YARS1: variants seen among roughly 807,000 people sequenced by gnomAD.
YARS1 encodes tyrosyl-tRNA synthetase 1.
A neutral mutation model predicts 62.2 loss-of-function variants in YARS1; 36 were observed. The ratio of observed to expected loss-of-function variants is 0.58; its 90% CI spans 0.44 to 0.76. The LOEUF (loss-of-function observed/expected upper bound fraction) is 0.76. YARS1 is among the 30% of genes least tolerant of loss of function. YARS1 has a pLI of 0.00. For missense variants in YARS1, 524 were observed against 639.8 expected (o/e 0.82, Z 1.95); for synonymous variants, 234 against 244.9 (o/e 0.96, Z 0.42).
chr1:32,799,661 TGTG>T (rs1653712783), intron 4 of YARS1, among the ~76,000 whole-genome samples: 2 of 152,262 alleles, frequency 1.3e-5, no homozygotes, highest in African/African-American at 4.8e-5. Flanking sequence ...ATTATATGTC[TGTG>T]CTGTCCAATA....
At chr1:32,777,246 C>T (rs1018246838) in intron 12 of YARS1, among the ~76,000 whole-genome samples, 5 of 151,920 alleles carry the variant, frequency 3.3e-5, no homozygotes, top group Non-Finnish European at 5.9e-5. Flanking sequence ...TCAGGCTGGT[C>T]TCGAACTCCC....
In YARS1 at chr1:32,775,923, G is replaced by C. The variant is rs1268779294; in HGVS notation, c.*58C>G. On this transcript the variant is annotated 3_prime_UTR_variant, in exon 13 of 13. Coordinates refer to ENST00000373477, the MANE Select transcript of YARS1 (RefSeq NM_003680.4). ...GGGTAAATGGGTGATGGATGGAGCAGACTGAAGAGACAGCAGATGACTCAG... is the reference window on the plus strand; with the variant it reads ...GGGTAAATGGGTGATGGATGGAGCACACTGAAGAGACAGCAGATGACTCAG... 67 of 1,432,730 alleles carry C rather than the reference G, an allele frequency of 4.7e-5. No individual in the cohort carries two copies. The highest frequency in any genetic ancestry group is 6.3e-5 in the Non-Finnish European group (64 of 1,016,516). The allele number at this position is 1,432,730 out of a possible 1,614,324, so 88.8% of individuals were successfully genotyped here. A position where few individuals can be genotyped will look rare whatever the true frequency, so the allele number is the denominator to read the frequency against.
intron 4 of YARS1, among the ~76,000 whole-genome samples, chr1:32,802,620 A>G (rs1217239761): frequency 6.6e-6 from 1 of 152,196 alleles, no homozygotes; most frequent in Non-Finnish European, 1.5e-5. Flanking sequence ...CTCAAGCTCT[A>G]CAGAAGCTCT....
chr1:32,798,330 G>A (rs1430285185), intron 4 of YARS1: 1 of 203,552 alleles, frequency 4.9e-6, no homozygotes, highest in East Asian at 1.2e-4. Context: ...TGTTTGCGGT[G>A]AACATTACTC....
At position 32,817,171 on chromosome 1, in the gene YARS1, C is replaced by T; in HGVS notation, c.57+17G>A. 3.1e-6 allele frequency: 5 copies of T among 1,614,120 alleles called. No individual in the cohort carries two copies. Among genetic ancestry groups the T allele is most frequent in the Middle Eastern group, 1.6e-4 (1 of 6,062 alleles). ...CTCCTAATCCCCAACGGCGCATTTC[C>T]AACCCCCAGGCCTGACCTGCAGGTT... is the stretch of plus-strand genomic sequence containing the variant. On this transcript the variant is annotated intron_variant, in intron 1 of 12. Transcript: ENST00000373477.
chr1:32,779,684 A>G lies in YARS1; in HGVS notation c.1335-161T>C, dbSNP rs1212280816. ...TCCTCTTATCTTGCTACATCCCTGC[A>G]TATCACCAGGGTTACATTAACCCAG... On this transcript the variant is annotated intron_variant, in intron 11 of 12. Coordinates refer to ENST00000373477, the MANE Select transcript of YARS1 (RefSeq NM_003680.4). 16 of 882,312 alleles carry G rather than the reference A, an allele frequency of 1.8e-5. No individual in the cohort carries two copies. The East Asian group carries it at 2.4e-4, about 13-fold the overall frequency. 54.7% of individuals were successfully genotyped at this position (882,312 alleles called of 1,614,324 possible).
At position 32,779,342 on chromosome 1, in the gene YARS1, G is replaced by A. The variant is rs1209211461; in HGVS notation, c.1476+40C>T. On this transcript the variant is annotated intron_variant, in intron 12 of 12. Transcript: ENST00000373477. ...CAGGACAGTCTGGGGACACAGTCCAGGCAGCCCAGCCAAGAAAGGGAACAA... is the reference window on the plus strand; with the variant it reads ...CAGGACAGTCTGGGGACACAGTCCAAGCAGCCCAGCCAAGAAAGGGAACAA... 2.5e-6 allele frequency: 4 copies of A among 1,614,116 alleles called. No individual in the cohort carries two copies. In the South Asian group the frequency reaches 3.3e-5, roughly 13 times the overall value.
At chr1:32,792,696 C>T (rs535832636) in intron 5 of YARS1, among the ~76,000 whole-genome samples, 50 of 152,016 alleles carry the variant, frequency 3.3e-4, no homozygotes, top group Admixed American at 5.9e-4. Flanking sequence ...CTGGCTAACA[C>T]GGTGAAACCC....
chr1:32,780,728 A>C, intron 10 of YARS1: 1 of 445,954 alleles, frequency 2.2e-6, no homozygotes. Context: ...AAAGTGGCCC[A>C]TCCAAGATAA....
At chr1:32,805,492 T>C (rs557711896) in intron 4 of YARS1, among the ~76,000 whole-genome samples, 10 of 152,292 alleles carry the variant, frequency 6.6e-5, no homozygotes, top group Non-Finnish European at 1.2e-4. Context: ...GTGAAACTTA[T>C]GTCTGTTTCT....
At position 32,776,043 on chromosome 1, in the gene YARS1, T is replaced by G. The variant is rs752850545; in HGVS notation, c.1525A>C (p.Asn509His). ...ATGGAGCCCAGCTTGGTCATGAAGT[T>G]GGTTTGCTTCCACTGTGCGATGCAC... ...EECIAQWKQT[N>H]FMTKLGSISC... Residue 509 changes from asparagine (N) to histidine (H), a missense_variant, in exon 13 of 13, where the codon AAC becomes CAC. Asn to His is a moderately conservative substitution (Grantham distance 68). Coordinates refer to ENST00000373477, the MANE Select transcript of YARS1 (RefSeq NM_003680.4). This position sits in a 1 kb window ranked among gnomAD's most constrained non-coding sequence, Gnocchi z 4.0. 6.2e-7 allele frequency: 1 copy of G among 1,614,004 alleles called. No homozygotes were observed. The highest frequency in any genetic ancestry group is 8.5e-7 in the Non-Finnish European group (1 of 1,180,034).
At chr1:32,795,879 A>G (rs924137852) in intron 5 of YARS1, among the ~76,000 whole-genome samples, 2 of 151,980 alleles carry the variant, frequency 1.3e-5, no homozygotes, top group Admixed American at 6.6e-5. Flanking sequence ...ATCTTTTTTC[A>G]CAATCCTTAA....
chr1:32,803,785 G>GA (rs1638368237), intron 4 of YARS1, among the ~76,000 whole-genome samples: 1 of 151,860 alleles, frequency 6.6e-6, no homozygotes, highest in South Asian at 2.1e-4. Flanking sequence ...GTGTTTCTCG[G>GA]AGAGGGGGAT....
chr1:32,779,987 G>T, intron 11 of YARS1, 98 bp downstream of exon 11: 1 of 1,461,868 alleles, frequency 6.8e-7, no homozygotes, highest in South Asian at 1.1e-5. Flanking sequence ...CGTGTTCTCA[G>T]AGCTTCCACC....
chr1:32,786,528 C>T, intron 7 of YARS1, 81 bp from the exon 8 acceptor site: 1 of 1,066,306 alleles, frequency 9.4e-7, no homozygotes, highest in Non-Finnish European at 1.4e-6. Flanking sequence ...AGCCCACATG[C>T]ATGACTATTT....
At chr1:32,796,046 G>C (rs1653570800) in intron 5 of YARS1, among the ~76,000 whole-genome samples, 1 of 152,082 alleles carries the variant, frequency 6.6e-6, no homozygotes, top group South Asian at 2.1e-4. Flanking sequence ...TGTAATCCCA[G>C]TACTTTGACA....
At chr1:32,797,974 G>C in intron 4 of YARS1, 131 bp from the exon 5 acceptor site, 1 of 739,090 alleles carries the variant, frequency 1.4e-6, no homozygotes, top group South Asian at 1.5e-5. Flanking sequence ...AGGTTCAAGT[G>C]AGTCTCCTGC....
chr1:32,780,577 T>C, intron 10 of YARS1: 1 of 477,436 alleles, frequency 2.1e-6, no homozygotes, highest in Non-Finnish European at 3.8e-6. Context: ...AGGGTGGTTT[T>C]GGTGGTTGGG....
At chr1:32,815,672 C>A (rs1419949796) in intron 1 of YARS1, among the ~76,000 whole-genome samples, 1 of 152,188 alleles carries the variant, frequency 6.6e-6, no homozygotes, top group Non-Finnish European at 1.5e-5. Flanking sequence ...TCAGACACAA[C>A]AAACATATTG....
Sources: gnomAD v4.1 joint callset for allele counts (sites outside exome capture counted in the v4.1 genomes callset) on GRCh38, gnomAD v4.1.1 for gene constraint, Gnocchi (gnomAD v3.1) non-coding constraint, MANE v1.5 for transcripts, NCBI Gene and HGNC (gene_info 2026-07-23, HGNC 2026-07-21) for gene names.